CPAMD8: variants seen among roughly 807,000 people sequenced by gnomAD.
CPAMD8 encodes the protein C3 and PZP like alpha-2-macroglobulin domain containing 8, also known as C3 and PZP-like alpha-2-macroglobulin domain-containing protein 8.
Under a neutral mutation model 224.7 loss-of-function variants are expected in CPAMD8, and 146 were observed. The ratio of observed to expected loss-of-function variants is 0.65; its 90% CI spans 0.57 to 0.75. CPAMD8 has a LOEUF of 0.75. Ranked by LOEUF, CPAMD8 falls within the 30% of genes least tolerant of loss-of-function variation. The pLI is 0.00. For missense variants in CPAMD8, 2,301 were observed against 2,537.5 expected (o/e 0.91, Z 2.00); for synonymous variants, 966 against 1,044.6 (o/e 0.92, Z 1.45).
In CPAMD8 at chr19:16,993,012, T is replaced by C. The variant is rs558492887; in HGVS notation, c.1266+404A>G. Among the ~76,000 whole-genome samples, 25 of 152,176 alleles carry C rather than the reference T, an allele frequency of 1.6e-4. No individual in the cohort carries two copies. In the East Asian group the frequency reaches 3.5e-3, roughly 21 times the overall value. ...ACCCGTGAGGTGGCGGAAACCACCA[T>C]TGGCTCTCTCCCCAATCTCTTTCCA... On this transcript the variant is annotated intron_variant, in intron 12 of 41. Transcript: ENST00000443236.
At chr19:17,009,360 C>A in intron 5 of CPAMD8, 40 bp from the exon 6 acceptor site, 1 of 1,613,912 alleles carries the variant, frequency 6.2e-7, no homozygotes, top group African/African-American at 1.3e-5. Flanking sequence ...AATCTTCCAG[C>A]AAACCCCAAA....
intron 15 of CPAMD8, 31 bp from the exon 16 acceptor site, chr19:16,976,182 C>T (rs765154073): frequency 4.4e-6 from 7 of 1,592,188 alleles, no homozygotes; most frequent in African/African-American, 2.7e-5. Flanking sequence ...GGATAAGAAA[C>T]TTGGTTCAGT....
At position 17,023,226 on chromosome 19, in the gene CPAMD8, T is replaced by C. The variant is rs75662536; in HGVS notation, c.93-1045A>G. ...GGAGGCATTACCCCCAGTTTCCCCA[T>C]GGGAAGTTGATGCTTCAGAAGAATA... On this transcript the variant is annotated intron_variant, in intron 1 of 41. Transcript: ENST00000443236. 3.7e-4 allele frequency among the ~76,000 whole-genome samples: 57 copies of C among 152,222 alleles called. 1 individual carries two copies. In the East Asian group the frequency reaches 0.011, roughly 29 times the overall value.
At chr19:17,018,904 T>C (rs1157297599) in intron 3 of CPAMD8, among the ~76,000 whole-genome samples, 1 of 112,718 alleles carries the variant, frequency 8.9e-6, no homozygotes, top group Non-Finnish European at 1.8e-5. Context: ...TGAGACTTCA[T>C]CTCAAAAAAA....
At chr19:16,893,497 G>A (rs2051840340) in intron 41 of CPAMD8, 158 bp from the exon 42 acceptor site, 4 of 583,686 alleles carry the variant, frequency 6.9e-6, no homozygotes, top group Non-Finnish European at 1.2e-5. Flanking sequence ...AGGCAGCGAG[G>A]GGCCTCCGTG....
At chr19:16,974,546 A>G (rs1336113748) in intron 17 of CPAMD8, among the ~76,000 whole-genome samples, 2 of 151,966 alleles carry the variant, frequency 1.3e-5, no homozygotes, top group Admixed American at 6.6e-5. Context: ...ATGTCATAAC[A>G]CGTCCCATCA....
chr19:17,019,827 G>A (rs893898456), intron 3 of CPAMD8, among the ~76,000 whole-genome samples: 4 of 151,052 alleles, frequency 2.6e-5, no homozygotes, highest in Admixed American at 1.3e-4. Context: ...CCTCAGCCTC[G>A]CAAAGTGCTG....
chr19:16,947,462 C>T (rs2122283867), intron 20 of CPAMD8, among the ~76,000 whole-genome samples: 1 of 152,328 alleles, frequency 6.6e-6, no homozygotes, highest in Admixed American at 6.5e-5. Context: ...GAGACCTCTC[C>T]TCCCCACAGC....
At chr19:16,976,384 G>A (rs1023254683) in intron 15 of CPAMD8, among the ~76,000 whole-genome samples, 4 of 152,046 alleles carry the variant, frequency 2.6e-5, no homozygotes, top group Non-Finnish European at 5.9e-5. Flanking sequence ...GCTGAGGCAG[G>A]AGAATCGCTT....
chr19:16,956,621 G>C (rs1054814024), intron 19 of CPAMD8, among the ~76,000 whole-genome samples: 1 of 152,084 alleles, frequency 6.6e-6, no homozygotes, highest in Admixed American at 6.6e-5. Flanking sequence ...CTTGAGGCCA[G>C]GAGTTTCAGA....
At chr19:16,989,851 G>T in intron 12 of CPAMD8, 80 bp from the exon 13 acceptor site, 5 of 1,386,756 alleles carry the variant, frequency 3.6e-6, no homozygotes, top group Non-Finnish European at 5.0e-6. Context: ...TGCTTGCTCT[G>T]CCCAGAAGAA....
chr19:16,989,556 G>T, intron 13 of CPAMD8, 87 bp downstream of exon 13: 2 of 1,499,448 alleles, frequency 1.3e-6, no homozygotes, highest in Non-Finnish European at 1.8e-6. Flanking sequence ...CAAAATGCTG[G>T]GATTACAGGC....
At chr19:17,022,499 T>C (rs1379000377) in intron 1 of CPAMD8, among the ~76,000 whole-genome samples, 2 of 151,714 alleles carry the variant, frequency 1.3e-5, no homozygotes, top group African/African-American at 4.8e-5. Flanking sequence ...AGGACCTTTT[T>C]TTTTTTTTCT....
intron 29 of CPAMD8, among the ~76,000 whole-genome samples, chr19:16,908,447 C>T (rs1056978790): frequency 1.3e-5 from 2 of 152,116 alleles, no homozygotes; most frequent in Non-Finnish European, 2.9e-5. Flanking sequence ...GGCCTGGTCA[C>T]CTCCTTAGAG....
intron 9 of CPAMD8, among the ~76,000 whole-genome samples, chr19:17,001,564 G>T (rs2056324852): frequency 6.8e-6 from 1 of 146,496 alleles, no homozygotes; most frequent in Non-Finnish European, 1.5e-5. Context: ...TACACAGCGG[G>T]AGAGGGGCAT....
In CPAMD8 at chr19:16,902,806, C is replaced by T. The variant is rs370430527; in HGVS notation, c.4528G>A (p.Val1510Ile). ...PVAKPAFQLLVSLQEPEAQGR... is the reference protein window; with the variant it reads ...PVAKPAFQLLISLQEPEAQGR... ...TGGGCCTCAGGCTCCTGGAGGCTTA[C>T]GAGCAGCTGGAAAGCTGGCTTGGCC... is the stretch of plus-strand genomic sequence containing the variant. Residue 1510 changes from valine (V) to isoleucine (I), a missense_variant, in exon 35 of 42, where the codon GTA becomes ATA. Physicochemically the swap from Val to Ile is conservative, Grantham distance 29. Transcript: ENST00000443236. 7.0e-6 allele frequency: 11 copies of T among 1,573,758 alleles called. No homozygotes were observed. The highest frequency in any genetic ancestry group is 4.1e-5 in the African/African-American group (3 of 73,492).
At chr19:17,026,506 A>C (rs1599947449) in intron 1 of CPAMD8, 45 bp downstream of exon 1, 1 of 1,449,762 alleles carries the variant, frequency 6.9e-7, no homozygotes, top group Non-Finnish European at 9.0e-7. Flanking sequence ...CGCGACCCCC[A>C]CCCCAGAAGG....
intron 22 of CPAMD8, among the ~76,000 whole-genome samples, chr19:16,943,969 T>G (rs2053988756): frequency 6.6e-6 from 1 of 152,116 alleles, no homozygotes; most frequent in Non-Finnish European, 1.5e-5. Flanking sequence ...GATTGAACAC[T>G]CTCAGCCTCC....
rs753930281 is a variant in CPAMD8, at chr19:16,904,515, G to A, written c.4065C>T (p.Asp1355=). The A allele has an allele frequency of 6.9e-5, 111 of 1,613,956 alleles. No homozygotes were observed. Among genetic ancestry groups the A allele is most frequent in the Middle Eastern group, 1.6e-4 (1 of 6,084 alleles). Residue 1355 remains aspartate (D), a synonymous_variant, in exon 31 of 42, where the codon GAC becomes GAT. Coordinates refer to ENST00000443236, the MANE Select transcript of CPAMD8 (RefSeq NM_015692.5). ...AGCTCAAGAATGTGCCCTTGTCCAC[G>A]TCCCAGGAATTTGACAGGCTCCAGT... is the stretch of plus-strand genomic sequence containing the variant. ...VTHWSLSNSW[D]VDKGTFLSFS...
Sources: allele counts gnomAD v4.1 joint callset (sites outside exome capture counted in the v4.1 genomes callset), GRCh38; gene constraint gnomAD v4.1.1; transcripts MANE v1.5; gene names NCBI Gene and HGNC (gene_info 2026-07-23, HGNC 2026-07-21).